SGCZ: variants seen among roughly 807,000 people sequenced by gnomAD.
SGCZ encodes the protein sarcoglycan zeta.
Under a neutral mutation model 41.3 loss-of-function variants are expected in SGCZ, and 40 were observed. The ratio of observed to expected loss-of-function variants is 0.97; its 90% confidence interval spans 0.75 to 1.26. The LOEUF (loss-of-function observed/expected upper bound fraction) is 1.26. Among genes scored for constraint, SGCZ ranks in the 50% most tolerant of loss-of-function variants. The pLI, the probability that SGCZ is intolerant of heterozygous loss-of-function variation, is 0.00. For missense variants in SGCZ, 552 were observed against 369.8 expected (o/e 1.49, Z -4.04); for synonymous variants, 206 against 137.5 (o/e 1.50, Z -3.49).
At chr8:14,538,718 TGTAA>T (rs1240931368) in intron 2 of SGCZ, among the ~76,000 whole-genome samples, 2 of 151,784 alleles carry the variant, frequency 1.3e-5, no homozygotes, top group Non-Finnish European at 2.9e-5. Flanking sequence ...TATTGAGTGG[TGTAA>T]GTGAGGCAGA....
intron 1 of SGCZ, among the ~76,000 whole-genome samples, chr8:14,642,990 G>A (rs1807078191): frequency 6.6e-6 from 1 of 151,626 alleles, no homozygotes; most frequent in African/African-American, 2.4e-5. Context: ...TGCATAGAAG[G>A]TGCTGAATAG....
chr8:14,195,093 A>T (rs1289616863), intron 4 of SGCZ, among the ~76,000 whole-genome samples: 1 of 152,142 alleles, frequency 6.6e-6, no homozygotes, highest in Non-Finnish European at 1.5e-5. Flanking sequence ...CAGGAGCAGA[A>T]AAACATTAAC....
chr8:14,788,741 T>C (rs1393799825), intron 1 of SGCZ, among the ~76,000 whole-genome samples: 4 of 152,148 alleles, frequency 2.6e-5, no homozygotes, highest in Non-Finnish European at 4.4e-5. Flanking sequence ...TACCGAACCA[T>C]TGCTCCTGCA....
At chr8:15,025,210 G>A (rs1803410971) in intron 1 of SGCZ, among the ~76,000 whole-genome samples, 2 of 152,100 alleles carry the variant, frequency 1.3e-5, no homozygotes. Context: ...AACAAATGAT[G>A]TGAGCTTCCC....
chr8:14,787,129 G>T (rs902823410), intron 1 of SGCZ, among the ~76,000 whole-genome samples: 1 of 152,134 alleles, frequency 6.6e-6, no homozygotes, highest in Non-Finnish European at 1.5e-5. Context: ...TGACACAGAA[G>T]CAACAGAAAG....
At chr8:14,702,820 GATAGATAGATAGATAGA>G (rs1585194432) in intron 1 of SGCZ, among the ~76,000 whole-genome samples, 11 of 12,880 alleles carry the variant, frequency 8.5e-4, no homozygotes, top group Non-Finnish European at 1.2e-3. Flanking sequence ...TAGGTAGATA[GATAGATAGATAGATAGA>G]TAGATAGATA....
rs532436725 is a variant in SGCZ, at chr8:14,301,821, T to C, written c.336+22282A>G. Among the ~76,000 whole-genome samples the C allele has an allele frequency of 1.2e-4, 18 of 152,268 alleles. No individual in the cohort carries two copies. The East Asian group carries it at 1.7e-3, about 15-fold the overall frequency. The stretch of plus-strand genomic sequence containing the variant: ...GTTTTTAAGTTATGACTTTATAGTA[T>C]TTTGTTATTCATCTATCTCTTTTAG... On this transcript the variant is annotated intron_variant, in intron 3 of 7. Coordinates refer to ENST00000382080, the MANE Select transcript of SGCZ (RefSeq NM_139167.4).
chr8:14,193,838 T>C (rs1805182850), intron 4 of SGCZ, among the ~76,000 whole-genome samples: 1 of 151,894 alleles, frequency 6.6e-6, no homozygotes, highest in Non-Finnish European at 1.5e-5. Flanking sequence ...GTAAACGCTT[T>C]TGGTTTAATA....
At chr8:15,034,932 G>A (rs1465299267) in intron 1 of SGCZ, among the ~76,000 whole-genome samples, 5 of 152,114 alleles carry the variant, frequency 3.3e-5, no homozygotes, top group Non-Finnish European at 7.4e-5. Context: ...AGTACCATCG[G>A]ACTTGTCTCC....
intron 1 of SGCZ, among the ~76,000 whole-genome samples, chr8:14,702,610 G>A (rs562931472): frequency 1.3e-5 from 2 of 151,930 alleles, no homozygotes; most frequent in East Asian, 3.9e-4. Context: ...TCCCTTCAGT[G>A]TTCTGCATCT....
chr8:14,377,640 T>C (rs188459680), intron 2 of SGCZ, among the ~76,000 whole-genome samples: 2,123 of 152,116 alleles, frequency 0.014, 48 homozygotes, highest in African/African-American at 0.047. Flanking sequence ...TAACTCGTCA[T>C]CTAGCATTAG....
At chr8:14,982,277 C>T (rs555041087) in intron 1 of SGCZ, among the ~76,000 whole-genome samples, 12 of 152,116 alleles carry the variant, frequency 7.9e-5, no homozygotes, top group Non-Finnish European at 1.6e-4. Flanking sequence ...CAAATACTAC[C>T]ATTACGTGAC....
At chr8:14,593,079 G>A (rs1369251276) in intron 1 of SGCZ, among the ~76,000 whole-genome samples, 2 of 152,014 alleles carry the variant, frequency 1.3e-5, no homozygotes, top group Admixed American at 6.6e-5. Flanking sequence ...GGTGAATAAT[G>A]CACCTCCTCA....
At chr8:15,184,643 G>A (rs76499268) in intron 1 of SGCZ, among the ~76,000 whole-genome samples, 359 of 152,290 alleles carry the variant, frequency 2.4e-3, no homozygotes, top group Non-Finnish European at 4.1e-3. Context: ...AGAGGTGAGG[G>A]AAGAGAGAGC....
chr8:14,301,060 A>AATCATCATCATCATC (rs58825148), intron 3 of SGCZ, among the ~76,000 whole-genome samples: 24 of 148,018 alleles, frequency 1.6e-4, no homozygotes, highest in African/African-American at 3.5e-4. Context: ...AACACAAGAA[A>AATCATCATCATCATC]ATCATCATCA....
chr8:15,033,173 C>G (rs775604413), intron 1 of SGCZ, among the ~76,000 whole-genome samples: 13 of 151,868 alleles, frequency 8.6e-5, no homozygotes, highest in Admixed American at 7.9e-4. Flanking sequence ...CTGAATGAAT[C>G]ATGTGAACCA....
At chr8:14,153,019 C>T (rs544229618) in intron 5 of SGCZ, among the ~76,000 whole-genome samples, 19 of 152,060 alleles carry the variant, frequency 1.2e-4, no homozygotes, top group African/African-American at 4.3e-4. Flanking sequence ...CGGGGGTTAA[C>T]GTGAGGGTGG....
chr8:14,579,437 C>A (rs763507638), intron 1 of SGCZ, among the ~76,000 whole-genome samples: 3 of 152,126 alleles, frequency 2.0e-5, no homozygotes, highest in Non-Finnish European at 2.9e-5. Context: ...AGCATTGTAT[C>A]TTGTACATTT....
chr8:14,974,495 G>T (rs946523420), intron 1 of SGCZ, among the ~76,000 whole-genome samples: 1 of 152,152 alleles, frequency 6.6e-6, no homozygotes, highest in Non-Finnish European at 1.5e-5. Flanking sequence ...TGCTAGCTTA[G>T]TGATTCCCAA....
Sources: allele counts gnomAD v4.1 joint callset (sites outside exome capture counted in the v4.1 genomes callset), GRCh38; gene constraint gnomAD v4.1.1; transcripts MANE v1.5; gene names NCBI Gene and HGNC (gene_info 2026-07-23, HGNC 2026-07-21).